PTK7: variants seen among roughly 807,000 people sequenced by gnomAD.
PTK7 encodes protein tyrosine kinase 7 (inactive).
A neutral mutation model predicts 116.6 loss-of-function variants in PTK7; 39 were observed. The observed-to-expected ratio is 0.33, with a 90% confidence interval of 0.26 to 0.44. PTK7 has a LOEUF of 0.44. Among genes scored for constraint, PTK7 ranks in the 20% least tolerant of loss-of-function variants. The probability of loss-of-function intolerance (pLI) is 1.00; values close to 1 mark genes in which losing one functional copy is unlikely to be tolerated. For synonymous variants in PTK7, 546 were observed against 563.6 expected, an observed-to-expected ratio of 0.97 and a Z score of 0.44; for missense variants, 1,169 against 1,425.6, an observed-to-expected ratio of 0.82 and a Z score of 2.90.
At chr6:43,103,650 A>G (rs1767704048) in intron 1 of PTK7, among the ~76,000 whole-genome samples, 1 of 152,096 alleles carries the variant, frequency 6.6e-6, no homozygotes, top group Non-Finnish European at 1.5e-5. Flanking sequence ...ATCCCCCTTT[A>G]CCTGGAGTGG....
intron 1 of PTK7, among the ~76,000 whole-genome samples, chr6:43,088,690 AAAATAAATAAATAAATAAATAAAT>A (rs57382055): frequency 1.3e-5 from 2 of 149,120 alleles, no homozygotes; most frequent in Non-Finnish European, 3.0e-5. Flanking sequence ...ACGCCATCTC[AAAATAAATAAATAAATAAATAAAT>A]AAATAAATAA....
intron 17 of PTK7, among the ~76,000 whole-genome samples, chr6:43,155,739 TAATG>T (rs1297602194): frequency 6.6e-6 from 1 of 152,192 alleles, no homozygotes; most frequent in Non-Finnish European, 1.5e-5. Flanking sequence ...AAAAGAGTAT[TAATG>T]AATGAAAAAT....
chr6:43,080,227 C>T (rs1766300759), intron 1 of PTK7, among the ~76,000 whole-genome samples: 1 of 152,020 alleles, frequency 6.6e-6, no homozygotes, highest in African/African-American at 2.4e-5. Flanking sequence ...TGGCAGGCGC[C>T]TGTAGTCCCA....
Position 43,158,864 on chromosome 6 carries a change from C to A in PTK7, c.2769C>A (p.Asn923Lys). 6.2e-7 allele frequency: 1 copy of A among 1,614,222 alleles called. No individual in the cohort carries two copies. The highest frequency in any genetic ancestry group is 8.5e-7 in the Non-Finnish European group (1 of 1,180,038). The part of the protein sequence containing the change: ...QVALGMEHLS[N>K]NRFVHKDLAA... ...CCCTGGGCATGGAGCACCTGTCCAA[C>A]AACCGCTTTGTGCATAAGGACTTGG... The change falls in exon 18 of 20, where the codon AAC becomes AAA. Residue 923 changes from asparagine to lysine, a missense_variant. By Grantham distance (94) the Asn-to-Lys change is moderately conservative (BLOSUM62 0). Coordinates refer to ENST00000230419, the MANE Select transcript of PTK7 (RefSeq NM_002821.5).
At chr6:43,079,392 G>A (rs1191162258) in intron 1 of PTK7, among the ~76,000 whole-genome samples, 2 of 151,508 alleles carry the variant, frequency 1.3e-5, no homozygotes, top group South Asian at 2.1e-4. Context: ...GCCTGAACCC[G>A]GGAGGTGGAG....
chr6:43,133,114 ATTTTTCTT>A (rs1173259519), intron 7 of PTK7: 2 of 361,194 alleles, frequency 5.5e-6, no homozygotes, highest in African/African-American at 2.1e-5. Flanking sequence ...GATGAAAATG[ATTTTTCTT>A]TTTTTCTTTT....
At chr6:43,091,539 G>C (rs1183996719) in intron 1 of PTK7, among the ~76,000 whole-genome samples, 1 of 152,092 alleles carries the variant, frequency 6.6e-6, no homozygotes, top group Non-Finnish European at 1.5e-5. Context: ...GAGTGAGATG[G>C]TACTGCATTT....
At chr6:43,156,780 C>T (rs1771459517) in intron 17 of PTK7, among the ~76,000 whole-genome samples, 1 of 152,036 alleles carries the variant, frequency 6.6e-6, no homozygotes, top group South Asian at 2.1e-4. Flanking sequence ...CCTGTAATCC[C>T]AGCTACTTGG....
chr6:43,120,368 A>G (rs1582135876), intron 1 of PTK7, among the ~76,000 whole-genome samples: 2 of 152,156 alleles, frequency 1.3e-5, no homozygotes, highest in Non-Finnish European at 2.9e-5. Flanking sequence ...CAGAGGCAAG[A>G]GTGATGGGGT....
chr6:43,159,978 T>G lies in PTK7; in HGVS notation c.3052+12T>G. The G allele has an allele frequency of 6.2e-7, 1 of 1,609,970 alleles. No homozygotes were observed. ...TGAAGTACTGGCAGGTAGGCAGCCT[T>G]GCTGCTAGGGGATGATTCCAGATGG... On this transcript the variant is annotated intron_variant, in intron 19 of 19. Coordinates refer to ENST00000230419, the MANE Select transcript of PTK7 (RefSeq NM_002821.5).
intron 1 of PTK7, among the ~76,000 whole-genome samples, chr6:43,121,056 G>GTTT (rs564738874): frequency 2.5e-5 from 3 of 119,722 alleles, no homozygotes; most frequent in Admixed American, 8.5e-5. Flanking sequence ...CCATGTTTCT[G>GTTT]TTTTTTTTTT....
intron 1 of PTK7, among the ~76,000 whole-genome samples, chr6:43,106,223 C>G (rs922565897): frequency 6.6e-6 from 1 of 152,120 alleles, no homozygotes; most frequent in African/African-American, 2.4e-5. Flanking sequence ...CCTGAGCATT[C>G]TGAATTACTC....
At chr6:43,097,794 T>C (rs1767342521) in intron 1 of PTK7, among the ~76,000 whole-genome samples, 1 of 152,218 alleles carries the variant, frequency 6.6e-6, no homozygotes, top group Admixed American at 6.5e-5. Flanking sequence ...TCTCTGAGAC[T>C]GTGTTCTCTG....
rs558086503 is a variant in PTK7 at position 43,123,728 on chromosome 6, T to C, written c.80-5249T>C. Among the ~76,000 whole-genome samples, 4 of 152,260 alleles carry C rather than the reference T, an allele frequency of 2.6e-5. No individual in the cohort carries two copies. In the South Asian group the frequency reaches 8.3e-4, roughly 32 times the overall value. ...TATTGGGTGTTTGCAGCTCCGGCTT[T>C]GTTGGGGTCGGCGCCTGGTGTGGGC... On this transcript the variant is annotated intron_variant, in intron 1 of 19. Coordinates refer to ENST00000230419, the MANE Select transcript of PTK7 (RefSeq NM_002821.5).
intron 1 of PTK7, among the ~76,000 whole-genome samples, chr6:43,125,539 A>G (rs1769240220): frequency 6.6e-6 from 1 of 151,964 alleles, no homozygotes; most frequent in African/African-American, 2.4e-5. Flanking sequence ...CCCACCCACC[A>G]CCTGCTTATT....
chr6:43,095,163 C>T (rs1469011115), intron 1 of PTK7, among the ~76,000 whole-genome samples: 1 of 146,162 alleles, frequency 6.8e-6, no homozygotes, highest in Non-Finnish European at 1.5e-5. Flanking sequence ...AGTTCGAGAC[C>T]AGCCTGACCA....
At chr6:43,096,799 G>A (rs1219882247) in intron 1 of PTK7, among the ~76,000 whole-genome samples, 2 of 152,244 alleles carry the variant, frequency 1.3e-5, no homozygotes, top group African/African-American at 4.8e-5. Context: ...TGGTGAAACC[G>A]GCTGCACAAA....
intron 1 of PTK7, among the ~76,000 whole-genome samples, chr6:43,077,636 A>C (rs541656457): frequency 3.4e-4 from 52 of 150,944 alleles, no homozygotes; most frequent in African/African-American, 1.2e-3. Context: ...CCTCCACAAC[A>C]CTCCTTGGTG....
chr6:43,093,597 G>A (rs1365984532), intron 1 of PTK7, among the ~76,000 whole-genome samples: 1 of 152,124 alleles, frequency 6.6e-6, no homozygotes, highest in African/African-American at 2.4e-5. Flanking sequence ...GCACACTTGT[G>A]TGGGGCTGAT....
Sources: gnomAD v4.1 joint callset for allele counts (sites outside exome capture counted in the v4.1 genomes callset) on GRCh38, gnomAD v4.1.1 for gene constraint, MANE v1.5 for transcripts, NCBI Gene and HGNC (gene_info 2026-07-23, HGNC 2026-07-21) for gene names.